The following DAB1 variants were observed in gnomAD, a reference collection of about 807,000 sequenced individuals.
DAB1 encodes DAB adaptor protein 1.
A neutral mutation model predicts 64.6 loss-of-function variants in DAB1; 15 were observed. The observed-to-expected ratio is 0.23, with a 90% CI of 0.16 to 0.36. The LOEUF (loss-of-function observed/expected upper bound fraction) is 0.36. Among genes scored for constraint, DAB1 ranks in the 10% least tolerant of loss-of-function variants. DAB1 has a pLI of 1.00. For synonymous variants in DAB1, 235 were observed against 251.9 expected (o/e 0.93, Z 0.64); for missense variants, 596 against 706.7 (o/e 0.84, Z 1.78).
At chr1:57,340,140 T>C (rs1677453715) in intron 1 of DAB1, among the ~76,000 whole-genome samples, 1 of 152,178 alleles carries the variant, frequency 6.6e-6, no homozygotes, top group Admixed American at 6.5e-5. Context: ...ACGGCAGGCT[T>C]ACCCTCATCT....
chr1:57,354,244 T>C (rs978904730), intron 1 of DAB1, among the ~76,000 whole-genome samples: 3 of 152,114 alleles, frequency 2.0e-5, no homozygotes, highest in Admixed American at 2.0e-4. Flanking sequence ...AATAAAGTAG[T>C]ATCTGGCTGA....
chr1:57,527,598 A>G (rs933156380), intron 7 of DAB1, among the ~76,000 whole-genome samples: 45 of 152,190 alleles, frequency 3.0e-4, no homozygotes, highest in African/African-American at 8.9e-4. Flanking sequence ...ATCCAGATAC[A>G]TACATAAAAG....
At chr1:58,183,169 C>T (rs1480896258) in intron 4 of DAB1, among the ~76,000 whole-genome samples, 1 of 151,986 alleles carries the variant, frequency 6.6e-6, no homozygotes, top group Non-Finnish European at 1.5e-5. Flanking sequence ...ACTTAAACAT[C>T]TTGATTCAGT....
chr1:58,226,512 C>T (rs999561248), intron 4 of DAB1, among the ~76,000 whole-genome samples: 1 of 152,038 alleles, frequency 6.6e-6, no homozygotes, highest in East Asian at 1.9e-4. Context: ...TTCTTGCATT[C>T]ATTTGACCCA....
intron 5 of DAB1, among the ~76,000 whole-genome samples, chr1:57,970,283 A>T (rs985814555): frequency 6.6e-6 from 1 of 152,160 alleles, no homozygotes; most frequent in African/African-American, 2.4e-5. Flanking sequence ...AATGGATCTC[A>T]CCTAGAGGTG....
chr1:58,173,722 G>A (rs531912095), intron 4 of DAB1, among the ~76,000 whole-genome samples: 53 of 152,264 alleles, frequency 3.5e-4, no homozygotes, highest in African/African-American at 1.2e-3. Context: ...TGTCTATGCA[G>A]CCGAAGTATA....
intron 3 of DAB1, among the ~76,000 whole-genome samples, chr1:58,450,598 C>CA (rs1645123725): frequency 6.6e-6 from 1 of 151,980 alleles, no homozygotes; most frequent in Non-Finnish European, 1.5e-5. Flanking sequence ...ACTAAAAACA[C>CA]AAAAAATTAG....
intron 1 of DAB1, among the ~76,000 whole-genome samples, chr1:58,529,966 T>C (rs1463685932): frequency 2.6e-5 from 4 of 152,036 alleles, no homozygotes; most frequent in Non-Finnish European, 5.9e-5. Context: ...CAGCAAGCTC[T>C]GCCTCCTGGG....
intron 3 of DAB1, among the ~76,000 whole-genome samples, chr1:58,373,678 A>C (rs577532862): frequency 1.4e-4 from 21 of 152,210 alleles, no homozygotes; most frequent in South Asian, 6.2e-4. Flanking sequence ...ATTTATAGTC[A>C]TTTGGGTATA....
At chr1:58,360,906 T>C (rs1644158284) in intron 3 of DAB1, among the ~76,000 whole-genome samples, 1 of 152,262 alleles carries the variant, frequency 6.6e-6, no homozygotes, top group Admixed American at 6.5e-5. Context: ...AAAATTAGAA[T>C]TATTCTAAAT....
At position 58,496,387 on chromosome 1, in the gene DAB1, C is replaced by T. The variant is rs149647338; in HGVS notation, n.257+9673G>A. On this transcript the variant is annotated intron_variant and non_coding_transcript_variant, in intron 3 of 20. Transcript: ENST00000485760. ...CTTTCAGATTCTGTCACTTTCAGTG[C>T]AGTTAAATCAACCTTATCATGCCAG... Among the ~76,000 whole-genome samples, 67 of 152,268 alleles carry T rather than the reference C, an allele frequency of 4.4e-4. No homozygotes were observed. In the East Asian group the frequency reaches 0.012, roughly 26 times the overall value.
At chr1:57,487,979 G>A (rs1644112803) in intron 7 of DAB1, among the ~76,000 whole-genome samples, 1 of 152,028 alleles carries the variant, frequency 6.6e-6, no homozygotes, top group African/African-American at 2.4e-5. Context: ...TTATACAAAT[G>A]AACTCACAAG....
At chr1:57,250,270 G>A (rs1669229026) in intron 2 of DAB1, among the ~76,000 whole-genome samples, 1 of 152,190 alleles carries the variant, frequency 6.6e-6, no homozygotes, top group African/African-American at 2.4e-5. Flanking sequence ...CCTCACCTCA[G>A]TTGGCAGGAT....
At position 57,605,906 on chromosome 1, in the gene DAB1, T is replaced by C. The variant is rs910491122; in HGVS notation, n.625+43686A>G. On this transcript the variant is annotated intron_variant and non_coding_transcript_variant, in intron 7 of 20. Transcript: ENST00000485760. ...CCTAGCTCAGTACTGATGGAAGTAA[T>C]CTGCTTAACAATCTCAGAAGGACTG... 5.9e-6 allele frequency: 4 copies of C among 678,162 alleles called. No individual in the cohort carries two copies. The East Asian group carries it at 1.2e-4, about 20-fold the overall frequency. 42.0% of individuals were successfully genotyped at this position (678,162 alleles called of 1,614,324 possible). A position where few individuals can be genotyped will look rare whatever the true frequency, so the allele number is the denominator to read the frequency against.
At chr1:57,000,204 C>T (rs369915596) in intron 14 of DAB1, among the ~76,000 whole-genome samples, 4 of 151,936 alleles carry the variant, frequency 2.6e-5, no homozygotes, top group Admixed American at 1.3e-4. Context: ...CCACCACGCC[C>T]GGCTAATTTT....
intron 3 of DAB1, among the ~76,000 whole-genome samples, chr1:58,494,915 C>T (rs1431802198): frequency 6.6e-6 from 1 of 152,194 alleles, no homozygotes; most frequent in Non-Finnish European, 1.5e-5. Flanking sequence ...CATCGCATTA[C>T]TGGGTATATA....
chr1:57,457,321 C>T (rs1686634959), intron 7 of DAB1, among the ~76,000 whole-genome samples: 1 of 152,104 alleles, frequency 6.6e-6, no homozygotes, highest in South Asian at 2.1e-4. Context: ...ACCAGCATGG[C>T]AGTGGACAGA....
intron 3 of DAB1, among the ~76,000 whole-genome samples, chr1:58,394,857 C>T (rs1019110263): frequency 1.3e-5 from 2 of 151,976 alleles, no homozygotes; most frequent in African/African-American, 4.8e-5. Context: ...TTTGTCAAAA[C>T]TCATTGAGTT....
chr1:58,254,395 ATT>A (rs150057888), intron 4 of DAB1, among the ~76,000 whole-genome samples: 2 of 146,646 alleles, frequency 1.4e-5, no homozygotes, highest in African/African-American at 5.1e-5. Context: ...TTTTTTTTCT[ATT>A]TTTTTTTTAT....
Sources: allele counts gnomAD v4.1 joint callset (sites outside exome capture counted in the v4.1 genomes callset), GRCh38; gene constraint gnomAD v4.1.1; transcripts MANE v1.5; gene names NCBI Gene and HGNC (gene_info 2026-07-23, HGNC 2026-07-21).